Variants in SERPINI1 observed in about 807,000 individuals in gnomAD.
SERPINI1 encodes serpin family I member 1.
SERPINI1 carries 19 observed loss-of-function variants against 41.1 expected under a neutral mutation model. That is an observed-to-expected ratio of 0.46 (90% CI 0.32 to 0.68). SERPINI1 has a LOEUF of 0.68. SERPINI1 is among the 30% of genes least tolerant of loss of function. The pLI, the probability that SERPINI1 is intolerant of heterozygous loss-of-function variation, is 0.03. For missense variants in SERPINI1, 460 were observed against 479.2 expected (o/e 0.96, Z 0.37); for synonymous variants, 138 against 156.6 (o/e 0.88, Z 0.89).
At chr3:167,788,199 G>T (rs1232272939) in intron 1 of SERPINI1, among the ~76,000 whole-genome samples, 2 of 152,168 alleles carry the variant, frequency 1.3e-5, no homozygotes, top group African/African-American at 4.8e-5. Context: ...TTTGTGGGAA[G>T]ACAGGGCTTC....
intron 1 of SERPINI1, among the ~76,000 whole-genome samples, chr3:167,773,992 T>G (rs1186304355): frequency 6.6e-6 from 1 of 152,186 alleles, no homozygotes; most frequent in East Asian, 1.9e-4. Context: ...GTGTTCCATA[T>G]CAGTTAGAGA....
intron 1 of SERPINI1, among the ~76,000 whole-genome samples, chr3:167,766,310 C>A (rs1726565777): frequency 6.6e-6 from 1 of 151,460 alleles, no homozygotes; most frequent in South Asian, 2.1e-4. Context: ...GCAAGGGGAG[C>A]AACTCACATC....
intron 6 of SERPINI1, among the ~76,000 whole-genome samples, chr3:167,819,255 C>G (rs1712229662): frequency 6.6e-6 from 1 of 152,046 alleles, no homozygotes; most frequent in African/African-American, 2.4e-5. Context: ...CTCAAGTGAT[C>G]CTCCTGCCTC....
intron 1 of SERPINI1, among the ~76,000 whole-genome samples, chr3:167,746,819 A>G (rs551975727): frequency 2.6e-5 from 4 of 152,348 alleles, no homozygotes; most frequent in Non-Finnish European, 4.4e-5. Context: ...TTTGAAACTC[A>G]TAAGGTTTTG....
At chr3:167,809,856 A>AT (rs1393663494) in intron 6 of SERPINI1, among the ~76,000 whole-genome samples, 1 of 152,152 alleles carries the variant, frequency 6.6e-6, no homozygotes, top group East Asian at 1.9e-4. Flanking sequence ...CCCCTTAAAC[A>AT]TAAGTAAAAA....
At chr3:167,801,028 G>C (rs906172993) in intron 5 of SERPINI1, among the ~76,000 whole-genome samples, 17 of 152,202 alleles carry the variant, frequency 1.1e-4, no homozygotes, top group African/African-American at 3.1e-4. Context: ...ATATTGGCCA[G>C]GCTGGTCTCG....
intron 1 of SERPINI1, among the ~76,000 whole-genome samples, chr3:167,783,256 G>A (rs1259647222): frequency 6.6e-6 from 1 of 152,096 alleles, no homozygotes; most frequent in East Asian, 1.9e-4. Context: ...AGGTCCCAGG[G>A]TGCAACATGG....
intron 6 of SERPINI1, among the ~76,000 whole-genome samples, chr3:167,808,619 G>A (rs1711746978): frequency 6.6e-6 from 1 of 152,148 alleles, no homozygotes; most frequent in African/African-American, 2.4e-5. Context: ...CAGTTCCTGT[G>A]TTAAAGGAGA....
chr3:167,784,497 G>A (rs1252419713), intron 1 of SERPINI1, among the ~76,000 whole-genome samples: 2 of 152,156 alleles, frequency 1.3e-5, no homozygotes, highest in African/African-American at 2.4e-5. Context: ...AGAAATACCC[G>A]AGACTGGGTA....
In SERPINI1 at chr3:167,786,507, C is replaced by CAA. The variant is rs71176662; in HGVS notation, c.-18-2585_-18-2584dup. Reference sequence around the variant, plus strand: ...TGGGCGACAGAGGGAGACTCCGTCTCAAAAAAAAAAAAAAAAAAAAGACTT... The same window carrying CAA: ...TGGGCGACAGAGGGAGACTCCGTCTCAAAAAAAAAAAAAAAAAAAAAAGACTT... On this transcript the variant is annotated intron_variant, in intron 1 of 8. Transcript: ENST00000446050. Among the ~76,000 whole-genome samples, 436 of 74,900 alleles carry CAA rather than the reference C, an allele frequency of 5.8e-3. 12 individuals are homozygous for CAA. Among genetic ancestry groups the CAA allele is most frequent in the African/African-American group, 0.017 (339 of 20,100 alleles). The allele number at this position is 74,900 out of a possible 152,430, so 49.1% of individuals were successfully genotyped here.
At chr3:167,749,739 G>T (rs944372681) in intron 1 of SERPINI1, among the ~76,000 whole-genome samples, 4 of 152,150 alleles carry the variant, frequency 2.6e-5, no homozygotes, top group Admixed American at 2.6e-4. Flanking sequence ...CCTTTATGCA[G>T]AACCTGTTTA....
chr3:167,745,734 A>G (rs961066907), intron 1 of SERPINI1, among the ~76,000 whole-genome samples: 2 of 152,150 alleles, frequency 1.3e-5, no homozygotes, highest in East Asian at 1.9e-4. Flanking sequence ...GAAGATCGAT[A>G]TAAAGAAACT....
At chr3:167,788,920 C>T (rs1727399994) in intron 1 of SERPINI1, among the ~76,000 whole-genome samples, 191 bp from the exon 2 acceptor site, 1 of 152,174 alleles carries the variant, frequency 6.6e-6, no homozygotes, top group African/African-American at 2.4e-5. Flanking sequence ...AGTAACTATA[C>T]ATACTCTTAA....
chr3:167,786,271 G>A (rs1300483145), intron 1 of SERPINI1, among the ~76,000 whole-genome samples: 18 of 152,146 alleles, frequency 1.2e-4, no homozygotes, highest in Admixed American at 1.2e-3. Flanking sequence ...GGGAGGCCAA[G>A]GCGGGCGGAT....
intron 7 of SERPINI1, 72 bp downstream of exon 7, chr3:167,823,144 G>A (rs188032933): frequency 9.5e-7 from 1 of 1,055,608 alleles, no homozygotes; most frequent in African/African-American, 1.6e-5. Flanking sequence ...GGGGAGTGGG[G>A]TCATTTTCAA....
chr3:167,776,197 C>T (rs891291976), intron 1 of SERPINI1, among the ~76,000 whole-genome samples: 1 of 152,212 alleles, frequency 6.6e-6, no homozygotes, highest in Non-Finnish European at 1.5e-5. Flanking sequence ...TGACTTTTTA[C>T]CCGTCTCTCT....
intron 1 of SERPINI1, among the ~76,000 whole-genome samples, chr3:167,746,027 C>T (rs1725853358): frequency 6.6e-6 from 1 of 152,086 alleles, no homozygotes; most frequent in Non-Finnish European, 1.5e-5. Context: ...AAATGTCAGC[C>T]ACTTTTTTTG....
rs149110398 is a variant in SERPINI1, at chr3:167,769,603, A to G, written c.-18-19508A>G. ...AAAATCCCAGCCCTAAAGATTATAG[A>G]CATATTCTACAACTTTTAAGAGGTG... On this transcript the variant is annotated intron_variant, in intron 1 of 8. Coordinates refer to ENST00000446050, the MANE Select transcript of SERPINI1 (RefSeq NM_001122752.2). Among the ~76,000 whole-genome samples, 1,165 of 152,288 alleles carry G rather than the reference A, an allele frequency of 7.6e-3. 6 individuals are homozygous for G. The highest frequency in any genetic ancestry group is 0.024 in the African/African-American group (1,017 of 41,562).
chr3:167,810,574 T>A (rs1035928423), intron 6 of SERPINI1, among the ~76,000 whole-genome samples: 1 of 151,770 alleles, frequency 6.6e-6, no homozygotes, highest in African/African-American at 2.4e-5. Context: ...AAAATGCTAA[T>A]GATCATCTGA....
Sources: allele counts gnomAD v4.1 joint callset (sites outside exome capture counted in the v4.1 genomes callset), GRCh38; gene constraint gnomAD v4.1.1; transcripts MANE v1.5; gene names NCBI Gene and HGNC (gene_info 2026-07-23, HGNC 2026-07-21).